Variants in ZNF717 observed in about 807,000 individuals in gnomAD.
The protein encoded by ZNF717 is zinc finger protein 717, also known as krueppel-like factor X17.
ZNF717 carries 9 observed loss-of-function variants against 13.8 expected under a neutral mutation model. The observed-to-expected ratio is 0.65, with a 90% CI of 0.39 to 1.14. ZNF717 has a LOEUF of 1.14. Among genes scored for constraint, ZNF717 ranks in the 50% most tolerant of loss-of-function variants. ZNF717 has a pLI of 0.01. For missense variants in ZNF717, 1,040 were observed against 1,080.7 expected (o/e 0.96, Z 0.53); for synonymous variants, 327 against 364.1 (o/e 0.90, Z 1.16).
rs79135712 is a variant in ZNF717 at position 75,735,998 on chromosome 3, C to A, written c.*880G>T. On this transcript the variant is annotated 3_prime_UTR_variant, in exon 5 of 5. Transcript: ENST00000652011. ...AACACCATGGGCTCACTTCACATCT[C>A]TGTCACATCTTTTGGCAATCCCAAT... 11 of 150,692 alleles carry A rather than the reference C, an allele frequency of 7.3e-5. No individual in the cohort carries two copies. The highest frequency in any genetic ancestry group is 2.0e-4 in the African/African-American group (8 of 40,996). The allele number at this position is 150,692 out of a possible 1,614,324, so 9.3% of individuals were successfully genotyped here.
intron 2 of ZNF717, among the ~76,000 whole-genome samples, chr3:75,746,403 G>A (rs116787068): frequency 6.6e-6 from 1 of 152,124 alleles, no homozygotes; most frequent in South Asian, 2.1e-4. Context: ...TTCCAGTAAT[G>A]GGATGGCTGG....
At chr3:75,722,268 T>A (rs796599652) in intron 4 of ZNF717, among the ~76,000 whole-genome samples, 1 of 151,836 alleles carries the variant, frequency 6.6e-6, no homozygotes, top group Non-Finnish European at 1.5e-5. Flanking sequence ...CAAAAAAAAT[T>A]AGTAATATGC....
At chr3:75,783,966 G>T in intron 1 of ZNF717, among the ~76,000 whole-genome samples, 1 of 152,100 alleles carries the variant, frequency 6.6e-6, no homozygotes, top group Non-Finnish European at 1.5e-5. Context: ...ATTATGCTCT[G>T]ACAATAAATT....
chr3:75,712,212 G>A (rs78685760), intron 5 of ZNF717, among the ~76,000 whole-genome samples: 1 of 149,690 alleles, frequency 6.7e-6, no homozygotes, highest in Non-Finnish European at 1.5e-5. Context: ...CTCAAACTAG[G>A]CAAATTAAAT....
chr3:75,768,807 C>G (rs1276663697), intron 2 of ZNF717, among the ~76,000 whole-genome samples: 1 of 149,400 alleles, frequency 6.7e-6, no homozygotes, highest in African/African-American at 2.5e-5. Flanking sequence ...CCACCACAAC[C>G]TCATTAAGTT....
intron 4 of ZNF717, among the ~76,000 whole-genome samples, chr3:75,719,998 A>AATAATAATAACC (rs1404380925): frequency 3.5e-5 from 5 of 144,736 alleles, no homozygotes. Flanking sequence ...TAATAATAAT[A>AATAATAATAACC]ACCACGGATT....
downstream of ZNF717, among the ~76,000 whole-genome samples, chr3:75,735,311 T>A (rs1313482860): frequency 6.6e-6 from 1 of 152,138 alleles, no homozygotes; most frequent in Non-Finnish European, 1.5e-5. Context: ...AAGTCTATAC[T>A]GCAAACTCCA....
chr3:75,741,177 G>A (rs1334574215), intron 4 of ZNF717, 99 bp downstream of exon 4: 6 of 741,584 alleles, frequency 8.1e-6, no homozygotes, highest in African/African-American at 1.8e-5. Context: ...CCTTCAGGTC[G>A]AAGACCTAGG....
At chr3:75,774,659 C>T (rs1453427742) in intron 2 of ZNF717, among the ~76,000 whole-genome samples, 2 of 124,300 alleles carry the variant, frequency 1.6e-5, no homozygotes, top group Admixed American at 2.0e-4. Flanking sequence ...CTTGCTCTGT[C>T]ACCCAGGCTG....
At chr3:75,757,081 C>T (rs1942560946) in intron 2 of ZNF717, among the ~76,000 whole-genome samples, 1 of 152,222 alleles carries the variant, frequency 6.6e-6, no homozygotes, top group African/African-American at 2.4e-5. Flanking sequence ...AAGTCATCTC[C>T]ATAACATAAA....
chr3:75,714,675 C>T (rs1281647690), intron 5 of ZNF717, among the ~76,000 whole-genome samples: 1 of 151,992 alleles, frequency 6.6e-6, no homozygotes, highest in Admixed American at 6.6e-5. Flanking sequence ...AACCATCTGA[C>T]CAGTAAACCC....
intron 2 of ZNF717, among the ~76,000 whole-genome samples, chr3:75,760,748 T>A (rs1942932766): frequency 6.7e-6 from 1 of 149,440 alleles, no homozygotes; most frequent in African/African-American, 2.5e-5. Context: ...ACATTACACC[T>A]GAAGGGAAAA....
At chr3:75,765,998 A>G (rs546600326) in intron 2 of ZNF717, among the ~76,000 whole-genome samples, 1 of 152,272 alleles carries the variant, frequency 6.6e-6, no homozygotes, top group South Asian at 2.1e-4. Flanking sequence ...AGTCCCAGCT[A>G]CTCAGGGGGC....
downstream of ZNF717, among the ~76,000 whole-genome samples, chr3:75,727,973 T>C (rs1249947841): frequency 1.4e-4 from 21 of 152,194 alleles, no homozygotes; most frequent in African/African-American, 2.4e-4. Context: ...TTAGGGAAAA[T>C]AGAAAGAACC....
exon 5 of ZNF717, chr3:75,716,532 G>A (rs963135177): frequency 5.9e-5 from 9 of 152,294 alleles, no homozygotes; most frequent in South Asian, 2.1e-4. Context: ...CAAAAGGAGG[G>A]AGGCTTAGCC....
rs142168938 is a variant in ZNF717, at chr3:75,766,883, C to T, written c.57+16423G>A. On this transcript the variant is annotated intron_variant, in intron 2 of 4. Transcript: ENST00000652011. ...AACCAAGTAATAAACTTTGAAACAC[C>T]CTGTGAGTCAAAAAAAGTATTCACA... Among the ~76,000 whole-genome samples the T allele has an allele frequency of 5.5e-3, 837 of 152,294 alleles. 2 individuals are homozygous for T. Among genetic ancestry groups the T allele is most frequent in the Middle Eastern group, 0.014 (4 of 294 alleles).
downstream of ZNF717, among the ~76,000 whole-genome samples, chr3:75,731,186 G>A (rs1337531388): frequency 1.3e-5 from 2 of 151,814 alleles, no homozygotes; most frequent in Non-Finnish European, 2.9e-5. Flanking sequence ...AGACCAACCT[G>A]GCCCACATGG....
At chr3:75,729,688 T>C (rs1446580977), downstream of ZNF717, among the ~76,000 whole-genome samples, 1 of 151,540 alleles carries the variant, frequency 6.6e-6, no homozygotes, top group East Asian at 1.9e-4. Context: ...AGAAACACTT[T>C]AAAGATCTTA....
intron 4 of ZNF717, 64 bp downstream of exon 4, chr3:75,741,212 A>G (rs1940381244): frequency 2.0e-6 from 2 of 976,742 alleles, no homozygotes; most frequent in Non-Finnish European, 3.2e-6. Context: ...AAACAAGATA[A>G]CACTACAAAA....
Sources: gnomAD v4.1 joint callset for allele counts (sites outside exome capture counted in the v4.1 genomes callset) on GRCh38, gnomAD v4.1.1 for gene constraint, MANE v1.5 for transcripts, NCBI Gene and HGNC (gene_info 2026-07-23, HGNC 2026-07-21) for gene names.